The following DNAI7 variants were observed in gnomAD, a reference collection of about 807,000 sequenced individuals.
DNAI7 encodes the protein cancer susceptibility 1.
DNAI7 carries 78 observed loss-of-function variants against 86.6 expected under a neutral mutation model. That is an observed-to-expected ratio of 0.90 (90% CI 0.75 to 1.09). The LOEUF (loss-of-function observed/expected upper bound fraction) is 1.09, where lower values mean the gene tolerates loss of function less well. Among genes scored for constraint, DNAI7 ranks in the 50% least tolerant of loss-of-function variants. The pLI is 0.00. For missense variants in DNAI7, 753 were observed against 810.2 expected, an observed-to-expected ratio of 0.93 and a Z score of 0.86; for synonymous variants, 274 against 273.0, an observed-to-expected ratio of 1.00 and a Z score of -0.04.
intron 13 of DNAI7, among the ~76,000 whole-genome samples, chr12:25,113,754 T>C (rs1939465250): frequency 6.6e-6 from 1 of 152,184 alleles, no homozygotes; most frequent in Non-Finnish European, 1.5e-5. Flanking sequence ...CAATGATTTT[T>C]AGTAACTTTA....
intron 12 of DNAI7, 75 bp from the exon 13 acceptor site, chr12:25,114,945 A>G: frequency 8.7e-7 from 1 of 1,145,154 alleles, no homozygotes; most frequent in Non-Finnish European, 1.3e-6. Flanking sequence ...AAGCACCAAA[A>G]AAATTGCTTT....
intron 14 of DNAI7, among the ~76,000 whole-genome samples, chr12:25,110,497 T>C (rs912600654): frequency 6.6e-6 from 1 of 152,194 alleles, no homozygotes; most frequent in Admixed American, 6.5e-5. Context: ...TGCCGACCTC[T>C]TTTTCTTCTC....
chr12:25,113,287 G>T (rs948986753), intron 13 of DNAI7, among the ~76,000 whole-genome samples: 3 of 103,692 alleles, frequency 2.9e-5, no homozygotes, highest in African/African-American at 9.6e-5. Flanking sequence ...TGCTGTTGTT[G>T]TTGTTGTTGT....
At chr12:25,144,317 A>G (rs780185262) in intron 9 of DNAI7, 48 bp downstream of exon 9, 67 of 1,449,186 alleles carry the variant, frequency 4.6e-5, no homozygotes, top group Admixed American at 7.3e-5. Context: ...GAATCTAATA[A>G]CGCATGCTGC....
At chr12:25,161,040 A>T in intron 3 of DNAI7, 73 bp downstream of exon 3, 1 of 1,050,712 alleles carries the variant, frequency 9.5e-7, no homozygotes. Flanking sequence ...AAAAATATTG[A>T]CTTTACTACA....
intron 2 of DNAI7, among the ~76,000 whole-genome samples, chr12:25,174,635 C>A (rs1336541981): frequency 5.1e-5 from 4 of 78,364 alleles, no homozygotes; most frequent in African/African-American, 6.3e-5. Flanking sequence ...GGATATATAT[C>A]ATATATATGG....
chr12:25,140,661 A>G (rs958400362), intron 9 of DNAI7, among the ~76,000 whole-genome samples: 7 of 151,732 alleles, frequency 4.6e-5, no homozygotes, highest in African/African-American at 1.7e-4. Context: ...AATTCAATGC[A>G]ATTCCCATCA....
intron 2 of DNAI7, among the ~76,000 whole-genome samples, chr12:25,171,521 C>T (rs1487496342): frequency 6.6e-6 from 1 of 152,114 alleles, no homozygotes; most frequent in Non-Finnish European, 1.5e-5. Context: ...CACAGATTCA[C>T]AGCAGAATTC....
In DNAI7 at chr12:25,108,603, A is replaced by AACTG. The variant is rs762927244; in HGVS notation, c.2110_2113dup (p.Phe705SerfsTer46). ...CAGCATGTGGCACACAGAGTTGACA[A>AACTG]ACTGACAGTTGGAACTCCTGACTTT... On this transcript the variant is annotated frameshift_variant, in exon 16 of 16. Coordinates refer to ENST00000395987, the MANE Select transcript of DNAI7 (RefSeq NM_018272.5). LOFTEE classifies it high-confidence loss of function. 1.4e-5 allele frequency: 22 copies of AACTG among 1,613,784 alleles called. No individual in the cohort carries two copies. In the South Asian group the frequency reaches 2.3e-4, roughly 17 times the overall value.
intron 2 of DNAI7, among the ~76,000 whole-genome samples, chr12:25,179,357 A>G (rs1029512889): frequency 3.3e-5 from 5 of 152,190 alleles, no homozygotes; most frequent in Admixed American, 6.5e-5. Flanking sequence ...GGTGTTCTAA[A>G]TATGTTTAAT....
At chr12:25,107,169 A>T (rs1351435054), downstream of DNAI7, 2 of 462,932 alleles carry the variant, frequency 4.3e-6, no homozygotes, top group Non-Finnish European at 7.8e-6. Context: ...TGTATTTAAG[A>T]TGAATAACAA....
chr12:25,129,981 C>G (rs1445868944), intron 9 of DNAI7, among the ~76,000 whole-genome samples: 1 of 151,854 alleles, frequency 6.6e-6, no homozygotes, highest in Non-Finnish European at 1.5e-5. Context: ...AGGCTGGTCT[C>G]AAACTCCCGA....
At chr12:25,110,956 G>C (rs7134616) in intron 14 of DNAI7, among the ~76,000 whole-genome samples, 24,141 of 152,134 alleles carry the variant, frequency 0.16, 2,153 homozygotes, top group Middle Eastern at 0.23. Flanking sequence ...CTGAAAGCAT[G>C]AGCAGAACAC....
At chr12:25,193,263 A>G (rs1227457331) in intron 1 of DNAI7, among the ~76,000 whole-genome samples, 1 of 152,200 alleles carries the variant, frequency 6.6e-6, no homozygotes, top group African/African-American at 2.4e-5. Flanking sequence ...ATTAAGATGA[A>G]GCCATACTGA....
chr12:25,158,748 A>T, intron 3 of DNAI7, 185 bp from the exon 4 acceptor site: 14 of 1,405,232 alleles, frequency 1.0e-5, no homozygotes, highest in Non-Finnish European at 1.3e-5. Context: ...CTACAAGAAA[A>T]AATCAAACAA....
intron 12 of DNAI7, among the ~76,000 whole-genome samples, chr12:25,117,359 C>T (rs1940326025): frequency 6.6e-6 from 1 of 152,180 alleles, no homozygotes; most frequent in Admixed American, 6.5e-5. Flanking sequence ...AATATTTAAA[C>T]TTCTTGGTAT....
intron 2 of DNAI7, 30 bp downstream of exon 2, chr12:25,190,584 A>T (rs773877677): frequency 3.5e-6 from 4 of 1,129,566 alleles, no homozygotes; most frequent in Non-Finnish European, 5.1e-6. Flanking sequence ...TGATTATACA[A>T]CTATCTATTT....
intron 2 of DNAI7, among the ~76,000 whole-genome samples, chr12:25,168,904 C>A (rs944574447): frequency 2.0e-5 from 3 of 152,042 alleles, no homozygotes; most frequent in Admixed American, 2.0e-4. Context: ...TCTAACAACC[C>A]CACAATATCA....
intron 9 of DNAI7, among the ~76,000 whole-genome samples, chr12:25,137,502 A>G (rs1483991737): frequency 6.6e-6 from 1 of 152,210 alleles, no homozygotes; most frequent in African/African-American, 2.4e-5. Context: ...TAATATATTT[A>G]GGCAACAACT....
Sources: gnomAD v4.1 joint callset for allele counts (sites outside exome capture counted in the v4.1 genomes callset) on GRCh38, gnomAD v4.1.1 for gene constraint, MANE v1.5 for transcripts, NCBI Gene and HGNC (gene_info 2026-07-23, HGNC 2026-07-21) for gene names.